TPCN1: variants seen among roughly 807,000 people sequenced by gnomAD.
The protein encoded by TPCN1 is two pore channel protein 1.
In TPCN1, 52 loss-of-function variants were observed where a neutral mutation model predicts 108.8. The ratio of observed to expected loss-of-function variants is 0.48; its 90% CI spans 0.38 to 0.60. The LOEUF (loss-of-function observed/expected upper bound fraction) is 0.60, where lower values mean the gene tolerates loss of function less well. TPCN1 is among the 20% of genes least tolerant of loss of function. The probability of loss-of-function intolerance (pLI) is 0.00; values close to 1 mark genes in which losing one functional copy is unlikely to be tolerated. For missense variants in TPCN1, 806 were observed against 1,072.8 expected (o/e 0.75, Z 3.47); for synonymous variants, 446 against 433.7 (o/e 1.03, Z -0.35).
At position 113,267,831 on chromosome 12, in the gene TPCN1, C is replaced by T. The variant is rs1838513045; in HGVS notation, c.415-12C>T. On this transcript the variant is annotated splice_polypyrimidine_tract_variant and intron_variant, in intron 4 of 27. Transcript: ENST00000335509. ...GCTGGCCATGACACATCTCCACACCCTCTGGTCTCAGGTCCACGCCACCCT... is the reference window on the plus strand; with the variant it reads ...GCTGGCCATGACACATCTCCACACCTTCTGGTCTCAGGTCCACGCCACCCT... The T allele has an allele frequency of 1.2e-6, 2 of 1,602,386 alleles. No individual in the cohort carries two copies. The highest frequency in any genetic ancestry group is 1.7e-6 in the Non-Finnish European group (2 of 1,169,366).
intron 2 of TPCN1, among the ~76,000 whole-genome samples, chr12:113,250,364 T>C (rs948641586): frequency 1.1e-4 from 17 of 152,370 alleles, no homozygotes; most frequent in African/African-American, 4.1e-4. Context: ...AACATGTAGA[T>C]GCCACAAGTT....
At chr12:113,291,279 C>T (rs2136764006) in intron 23 of TPCN1, among the ~76,000 whole-genome samples, 1 of 152,338 alleles carries the variant, frequency 6.6e-6, no homozygotes, top group South Asian at 2.1e-4. Context: ...GTCTCGCCCA[C>T]TGTAGAGATG....
chr12:113,266,330 G>A lies in TPCN1; in HGVS notation c.388G>A (p.Val130Ile), dbSNP rs752409708. The change falls in exon 4 of 28, where the codon GTC (valine) becomes ATC (isoleucine). Residue 130 changes from valine (V) to isoleucine (I), a missense_variant. Val to Ile is a conservative substitution (Grantham distance 29). Transcript: ENST00000335509. The surrounding 1 kb of genome is among the most constrained non-coding windows in gnomAD (Gnocchi z 4.2). Reference protein sequence around the residue: ...LLLSLCEAPAVPALRLGIYVH... With the variant: ...LLLSLCEAPAIPALRLGIYVH... ...GCTCTCCCTGTGCGAGGCCCCCGCC[G>A]TCCCCGCACTCCGGCTTGGCATCTA... The A allele has an allele frequency of 7.5e-6, 12 of 1,609,840 alleles. No homozygotes were observed. The highest frequency in any genetic ancestry group is 4.4e-5 in the South Asian group (4 of 91,074).
At chr12:113,285,381 CTT>C (rs10715760) in intron 17 of TPCN1, among the ~76,000 whole-genome samples, 2 of 151,970 alleles carry the variant, frequency 1.3e-5, no homozygotes, top group Admixed American at 1.3e-4. Context: ...ATTTCTCTCT[CTT>C]TTTTTGGGGC....
In TPCN1 at chr12:113,226,847, G is replaced by A; in HGVS notation, c.-6G>A. ...TCATATCCTGAGGGCCACAGGAGAA[G>A]AGAACATGGCTGTGAGTTTGGATGA... is the stretch of plus-strand genomic sequence containing the variant. On this transcript the variant is annotated 5_prime_UTR_variant, in exon 2 of 28. Transcript: ENST00000335509. The A allele has an allele frequency of 6.2e-7, 1 of 1,614,208 alleles. No individual in the cohort carries two copies. Among genetic ancestry groups the A allele is most frequent in the Non-Finnish European group, 8.5e-7 (1 of 1,180,042 alleles).
intron 2 of TPCN1, among the ~76,000 whole-genome samples, chr12:113,238,543 C>T (rs1953980375): frequency 6.6e-6 from 1 of 152,182 alleles, no homozygotes; most frequent in Non-Finnish European, 1.5e-5. Flanking sequence ...TATCCACCTG[C>T]CTCGGCCTCC....
Position 113,288,933 on chromosome 12 carries a change from T to A in TPCN1, c.1796+86T>A. On this transcript the variant is annotated intron_variant, in intron 21 of 27. Transcript: ENST00000335509. The surrounding 1 kb of genome is among the most constrained non-coding windows in gnomAD (Gnocchi z 4.8). ...GCCAGGATTGGTGTCCTTGTGGCCT[T>A]GGGGTCCTCGGGGATGTTCCTGTCT... is the stretch of plus-strand genomic sequence containing the variant. 1 of 1,383,364 alleles carries A rather than the reference T, an allele frequency of 7.2e-7. No individual in the cohort carries two copies. Among genetic ancestry groups the A allele is most frequent in the Non-Finnish European group, 1.0e-6 (1 of 978,276 alleles). 85.7% of individuals were successfully genotyped at this position (1,383,364 alleles called of 1,614,324 possible).
At chr12:113,280,099 AG>A in intron 14 of TPCN1, 51 bp from the exon 15 acceptor site, 2 of 1,374,690 alleles carry the variant, frequency 1.5e-6, no homozygotes, top group Non-Finnish European at 1.0e-6. Context: ...AGGATACAGT[AG>A]GGGGAACAAG....
chr12:113,233,230 G>A (rs564346928), intron 2 of TPCN1, among the ~76,000 whole-genome samples: 3 of 152,292 alleles, frequency 2.0e-5, no homozygotes, highest in South Asian at 4.1e-4. Flanking sequence ...AGACGCTGCC[G>A]CTCTAAATGG....
At chr12:113,234,563 C>G in intron 2 of TPCN1, among the ~76,000 whole-genome samples, 1 of 152,196 alleles carries the variant, frequency 6.6e-6, no homozygotes, top group East Asian at 1.9e-4. Flanking sequence ...GCCTTTTGTA[C>G]CGGGTACCCT....
intron 2 of TPCN1, 38 bp from the exon 3 acceptor site, chr12:113,260,330 C>T: frequency 6.8e-7 from 1 of 1,470,840 alleles, no homozygotes; most frequent in Non-Finnish European, 9.0e-7. Context: ...GCTCTTAAGC[C>T]TGGGTGCCAA....
chr12:113,249,174 G>A (rs1382874459), intron 2 of TPCN1, among the ~76,000 whole-genome samples: 1 of 152,188 alleles, frequency 6.6e-6, no homozygotes, highest in Non-Finnish European at 1.5e-5. Context: ...GTCACTTGTG[G>A]CCCATAAGAG....
chr12:113,228,013 A>G (rs939934860), intron 2 of TPCN1, among the ~76,000 whole-genome samples: 1 of 152,094 alleles, frequency 6.6e-6, no homozygotes, highest in African/African-American at 2.4e-5. Context: ...TTCGAACATA[A>G]ACTTGATTTT....
At chr12:113,244,746 G>A (rs1411959561) in intron 2 of TPCN1, 10 of 985,304 alleles carry the variant, frequency 1.0e-5, no homozygotes, top group African/African-American at 1.7e-5. Flanking sequence ...AGTGCTTTGT[G>A]AGTATTCGCA....
At chr12:113,292,913 A>T (rs767642529) in intron 25 of TPCN1, 21 bp from the exon 26 acceptor site, 2 of 1,606,880 alleles carry the variant, frequency 1.2e-6, no homozygotes, top group Non-Finnish European at 1.7e-6. Flanking sequence ...CCCTTCCCAC[A>T]CCTGCCTTCC....
At position 113,272,834 on chromosome 12, in the gene TPCN1, T is replaced by C; in HGVS notation, c.783+142T>C. The C allele has an allele frequency of 1.2e-6, 1 of 835,268 alleles. No homozygotes were observed. The highest frequency in any genetic ancestry group is 2.4e-5 in the East Asian group (1 of 41,390). 51.7% of individuals were successfully genotyped at this position (835,268 alleles called of 1,614,324 possible). A position where few individuals can be genotyped will look rare whatever the true frequency, so the allele number is the denominator to read the frequency against. ...TCATAGCTTGTGTGTGCATTGCACC[T>C]GGGAGTTCCCATCACTCAGACTTGA... On this transcript the variant is annotated intron_variant, in intron 8 of 27. Coordinates refer to ENST00000335509, the MANE Select transcript of TPCN1 (RefSeq NM_017901.6). The surrounding 1 kb of genome is among the most constrained non-coding windows in gnomAD (Gnocchi z 4.1).
At chr12:113,243,044 A>G (rs1954211719) in intron 2 of TPCN1, among the ~76,000 whole-genome samples, 1 of 152,212 alleles carries the variant, frequency 6.6e-6, no homozygotes, top group Non-Finnish European at 1.5e-5. Context: ...AAATTAAACC[A>G]TATGTGTTTG....
At chr12:113,242,140 GC>G (rs1954163547) in intron 2 of TPCN1, among the ~76,000 whole-genome samples, 1 of 152,214 alleles carries the variant, frequency 6.6e-6, no homozygotes, top group East Asian at 1.9e-4. Context: ...GCGGCCCCTG[GC>G]AATTTAATCT....
In TPCN1 at chr12:113,241,791, T is replaced by TGC. The variant is rs1555262458; in HGVS notation, c.112+14828_112+14829insCG. Among the ~76,000 whole-genome samples the TGC allele has an allele frequency of 7.9e-4, 120 of 151,390 alleles. No individual in the cohort carries two copies. In the East Asian group the frequency reaches 0.019, roughly 24 times the overall value. On this transcript the variant is annotated intron_variant, in intron 2 of 27. Coordinates refer to ENST00000335509, the MANE Select transcript of TPCN1 (RefSeq NM_017901.6). The stretch of plus-strand genomic sequence containing the variant: ...GTGTGTGTGTGTGTGTGTGTGTGTG[T>TGC]GTGCGTGTGTGTGTATGAGACAGCA...
Sources: gnomAD v4.1 joint callset for allele counts (sites outside exome capture counted in the v4.1 genomes callset) on GRCh38, gnomAD v4.1.1 for gene constraint, Gnocchi (gnomAD v3.1) non-coding constraint, MANE v1.5 for transcripts, NCBI Gene and HGNC (gene_info 2026-07-23, HGNC 2026-07-21) for gene names.